The following RAF1 variants were observed in gnomAD, a reference collection of about 807,000 sequenced individuals.
The protein encoded by RAF1 is RAF proto-oncogene serine/threonine-protein kinase.
RAF1 carries 27 observed loss-of-function variants against 81.1 expected under a neutral mutation model. The ratio of observed to expected loss-of-function variants is 0.33; its 90% CI spans 0.25 to 0.46. The LOEUF (loss-of-function observed/expected upper bound fraction) is 0.46, where lower values mean the gene tolerates loss of function less well. RAF1 is among the 20% of genes least tolerant of loss of function. The pLI, the probability that RAF1 is intolerant of heterozygous loss-of-function variation, is 1.00. For synonymous variants in RAF1, 298 were observed against 294.0 expected, an observed-to-expected ratio of 1.01 and a Z score of -0.14; for missense variants, 598 against 826.0, an observed-to-expected ratio of 0.72 and a Z score of 3.38.
rs2125318339 is a variant in RAF1 at position 12,584,733 on chromosome 3, G to A, written c.1864-76C>T. The stretch of plus-strand genomic sequence containing the variant: ...GATGTACCCTGCCCCCCACCATCTT[G>A]TAGAGGACCTGGGTCCCCTCCCTAT... On this transcript the variant is annotated intron_variant, in intron 17 of 17. Transcript: ENST00000442415. The A allele has an allele frequency of 6.2e-6, 10 of 1,613,034 alleles. No individual in the cohort carries two copies. The Middle Eastern group carries it at 6.6e-4, about 107-fold the overall frequency.
chr3:12,617,860 C>CA (rs1287695847), intron 2 of RAF1, among the ~76,000 whole-genome samples: 2 of 122,250 alleles, frequency 1.6e-5, no homozygotes, highest in African/African-American at 6.4e-5. Context: ...GCCTGGGTGA[C>CA]AGAGTGAGAA....
rs187286358 is a variant in RAF1, at chr3:12,583,958, C to T, written c.*556G>A. 3.6e-4 allele frequency: 88 copies of T among 244,358 alleles called. No homozygotes were observed. The South Asian group carries it at 7.9e-3, about 22-fold the overall frequency. 15.1% of individuals were successfully genotyped at this position (244,358 alleles called of 1,614,324 possible). On this transcript the variant is annotated 3_prime_UTR_variant, in exon 18 of 18. Coordinates refer to ENST00000442415, the MANE Select transcript of RAF1 (RefSeq NM_001354689.3). ...CACCTTAGAAGCTGTGAAAGGAGGA[C>T]GTGTCCCCTAAGAAAAGTTCCATAG...
chr3:12,648,328 A>AG (rs1227900446), intron 1 of RAF1, among the ~76,000 whole-genome samples: 2 of 151,392 alleles, frequency 1.3e-5, no homozygotes, highest in African/African-American at 4.9e-5. Flanking sequence ...GTAGGAAGGA[A>AG]GGGGGAAAAA....
chr3:12,594,458 T>C (rs753945096), intron 11 of RAF1, among the ~76,000 whole-genome samples: 10 of 152,202 alleles, frequency 6.6e-5, no homozygotes, highest in Non-Finnish European at 1.3e-4. Flanking sequence ...CCCTTTCTTA[T>C]AGCTCTCCTC....
chr3:12,661,048 C>T (rs575785087), intron 1 of RAF1, among the ~76,000 whole-genome samples: 1 of 152,292 alleles, frequency 6.6e-6, no homozygotes, highest in African/African-American at 2.4e-5. Flanking sequence ...GTTTATGTTG[C>T]ATTTTAAACA....
intron 1 of RAF1, among the ~76,000 whole-genome samples, chr3:12,635,894 A>G (rs1353342913): frequency 6.6e-6 from 1 of 150,552 alleles, no homozygotes; most frequent in African/African-American, 2.5e-5. Flanking sequence ...AATGGCGTGA[A>G]CCCATGAGGT....
intron 17 of RAF1, 59 bp downstream of exon 16, chr3:12,584,788 T>G: frequency 6.2e-7 from 1 of 1,613,864 alleles, no homozygotes; most frequent in East Asian, 2.2e-5. Context: ...CCACCTTATA[T>G]TGCCATCTTT....
chr3:12,640,507 TAAACAAA>T (rs2060152515), intron 1 of RAF1, among the ~76,000 whole-genome samples: 1 of 152,038 alleles, frequency 6.6e-6, no homozygotes. Flanking sequence ...ACAAAGAACT[TAAACAAA>T]TTTACAAGAA....
Position 12,652,940 on chromosome 3 carries a change from CAAA to C in RAF1, c.-27+10870_-27+10872del, listed in dbSNP as rs548744822. Among the ~76,000 whole-genome samples the C allele has an allele frequency of 1.0e-3, 149 of 146,550 alleles. 1 individual carries two copies. Among genetic ancestry groups the C allele is most frequent in the Middle Eastern group, 3.5e-3 (1 of 284 alleles). ...TGGGCAAGACAGTGAGACTCCATCT[CAAA>C]AAAAAAAAATTTTTTTAATTAAATA... On this transcript the variant is annotated intron_variant, in intron 1 of 17. Transcript: ENST00000442415.
chr3:12,584,801 G>C, intron 17 of RAF1, 46 bp downstream of exon 16: 1 of 1,613,706 alleles, frequency 6.2e-7, no homozygotes, highest in Non-Finnish European at 8.5e-7. Flanking sequence ...CCATCTTTAC[G>C]AACCAACCCA....
intron 13 of RAF1, chr3:12,588,771 G>A (rs938225348): frequency 2.0e-5 from 3 of 152,182 alleles, no homozygotes; most frequent in African/African-American, 7.2e-5. Flanking sequence ...AACCTCTAAT[G>A]GGTATATTGT....
intron 1 of RAF1, among the ~76,000 whole-genome samples, chr3:12,661,269 T>C (rs974286737): frequency 3.3e-5 from 5 of 152,190 alleles, no homozygotes; most frequent in African/African-American, 1.2e-4. Context: ...TTATAACAGG[T>C]TGTTATCCGA....
At chr3:12,613,650 T>G (rs73812836) in intron 2 of RAF1, among the ~76,000 whole-genome samples, 35,015 of 152,068 alleles carry the variant, frequency 0.23, 4,580 homozygotes, top group African/African-American at 0.36. Context: ...GCCCTTCTAG[T>G]TACCAGGCTC....
intron 1 of RAF1, among the ~76,000 whole-genome samples, chr3:12,646,005 G>C (rs1208804460): frequency 6.6e-6 from 1 of 152,082 alleles, no homozygotes; most frequent in African/African-American, 2.4e-5. Flanking sequence ...ATATTTAAGA[G>C]ATTTTTACTT....
rs1046012842 is a variant in RAF1 at position 12,585,228 on chromosome 3, T to G, written c.1622A>C (p.Asp541Ala). ...CGACTGGAAACTGAATGGGTTGTTA[T>G]CCTGCATTCGGATCACCTCTGGGGC... is the stretch of plus-strand genomic sequence containing the variant. Residue 541 changes from aspartate (D) to alanine (A), a missense_variant, in exon 16 of 18, where the codon GAT (aspartate) becomes GCT (alanine). By Grantham distance (126) the Asp-to-Ala change is moderately radical. This residue lies in a region of RAF1 where 147 missense variants were observed against 196.1 expected (regional missense o/e 0.75). Transcript: ENST00000442415. 1 of 1,614,008 alleles carries G rather than the reference T, an allele frequency of 6.2e-7. No individual in the cohort carries two copies. The highest frequency in any genetic ancestry group is 1.3e-5 in the African/African-American group (1 of 74,900).
intron 14 of RAF1, 97 bp from the exon 14 acceptor site, chr3:12,585,896 T>C: frequency 2.3e-6 from 2 of 876,664 alleles, no homozygotes; most frequent in Non-Finnish European, 1.9e-6. Flanking sequence ...CTCTCCACCT[T>C]ACCTCTGTCA....
In RAF1 at chr3:12,600,212, G is replaced by T; in HGVS notation, c.990C>A (p.Thr330=). The T allele has an allele frequency of 6.2e-7, 1 of 1,614,164 alleles. No homozygotes were observed. The highest frequency in any genetic ancestry group is 8.5e-7 in the Non-Finnish European group (1 of 1,180,042). The change falls in exon 10 of 18, where the codon ACC becomes ACA. Residue 330 remains threonine, a synonymous_variant. Transcript: ENST00000442415. ...CCCGCTCTCTTTGTGCTGGCACGGG[G>T]GTTTTCGGCTGTGACCAGCCTGTTG...
rs768693926 is a variant in RAF1, at chr3:12,591,847, AT to A, written c.1169-56del. 1.7e-3 allele frequency: 2,203 copies of A among 1,300,922 alleles called. 11 individuals carry two copies. Among genetic ancestry groups the A allele is most frequent in the Middle Eastern group, 7.1e-3 (39 of 5,498 alleles). 80.6% of individuals were successfully genotyped at this position (1,300,922 alleles called of 1,614,324 possible). A position where few individuals can be genotyped will look rare whatever the true frequency, so the allele number is the denominator to read the frequency against. On this transcript the variant is annotated intron_variant, in intron 11 of 17. Coordinates refer to ENST00000442415, the MANE Select transcript of RAF1 (RefSeq NM_001354689.3). ...CAGTTGAATGATCTCAGTCTTTCAAATAACCTAGTTTTGAGGAAGATACAGT... is the reference window on the plus strand; with the variant it reads ...CAGTTGAATGATCTCAGTCTTTCAAAAACCTAGTTTTGAGGAAGATACAGT...
intron 1 of RAF1, among the ~76,000 whole-genome samples, chr3:12,663,456 C>A (rs1403716043): frequency 1.3e-5 from 2 of 152,122 alleles, no homozygotes; most frequent in African/African-American, 4.8e-5. Context: ...ATTCGGCGGC[C>A]CAAGAGAAAA....
Sources: gnomAD v4.1 joint callset for allele counts (sites outside exome capture counted in the v4.1 genomes callset) on GRCh38, gnomAD v4.1.1 for gene constraint, gnomAD v4.1.1 regional missense constraint, MANE v1.5 for transcripts, NCBI Gene and HGNC (gene_info 2026-07-23, HGNC 2026-07-21) for gene names.